Variants in IYD observed in about 807,000 individuals in gnomAD.
The protein encoded by IYD is iodotyrosine deiodinase 1.
A neutral mutation model predicts 28.4 loss-of-function variants in IYD; 25 were observed. The observed-to-expected ratio is 0.88, with a 90% CI of 0.64 to 1.23. The LOEUF is 1.23. Among genes scored for constraint, IYD ranks in the 50% most tolerant of loss-of-function variants. The pLI is 0.00. For synonymous variants in IYD, 140 were observed against 130.8 expected (o/e 1.07, Z -0.48); for missense variants, 352 against 357.9 (o/e 0.98, Z 0.13).
intron 2 of IYD, 29 bp from the exon 3 acceptor site, chr6:150,392,316 A>G (rs748756787): frequency 2.5e-6 from 4 of 1,611,920 alleles, no homozygotes; most frequent in South Asian, 2.2e-5. Context: ...TGCAGTTTTA[A>G]TTTCTGATTT....
At position 150,403,289 on chromosome 6, in the gene IYD, T is replaced by C. The variant is rs916805590; in HGVS notation, c.*5052T>C. The C allele has an allele frequency of 1.3e-5, 2 of 152,244 alleles. No homozygotes were observed. The highest frequency in any genetic ancestry group is 4.8e-5 in the African/African-American group (2 of 41,454). 9.4% of individuals were successfully genotyped at this position (152,244 alleles called of 1,614,324 possible). On this transcript the variant is annotated 3_prime_UTR_variant, in exon 5 of 5. Transcript: ENST00000344419. ...CAGCAGAGTGCCCTCTTATAATTTG[T>C]GTGAAATGGAAACAAAGGTAACATC... is the stretch of plus-strand genomic sequence containing the variant.
chr6:150,383,999 A>T (rs1777764222), intron 1 of IYD, among the ~76,000 whole-genome samples: 3 of 152,150 alleles, frequency 2.0e-5, no homozygotes, highest in Admixed American at 2.0e-4. Context: ...AATGAGGAAG[A>T]TATATAACAA....
chr6:150,370,894 G>T (rs943621525), intron 1 of IYD, among the ~76,000 whole-genome samples: 1 of 152,210 alleles, frequency 6.6e-6, no homozygotes, highest in Non-Finnish European at 1.5e-5. Context: ...TCGAGGACAT[G>T]TTTGATTTCA....
intron 1 of IYD, among the ~76,000 whole-genome samples, chr6:150,378,769 G>A (rs1777545069): frequency 6.6e-6 from 1 of 152,148 alleles, no homozygotes; most frequent in Admixed American, 6.5e-5. Flanking sequence ...AATACCATTT[G>A]ACCCAGCCAT....
At chr6:150,382,339 T>C (rs1378804323) in intron 1 of IYD, among the ~76,000 whole-genome samples, 3 of 152,144 alleles carry the variant, frequency 2.0e-5, no homozygotes, top group African/African-American at 7.2e-5. Context: ...CTCCCTTCCA[T>C]AGGTTTTGAT....
intron 1 of IYD, among the ~76,000 whole-genome samples, chr6:150,385,577 T>TA (rs397752036): frequency 6.6e-6 from 1 of 151,172 alleles, no homozygotes; most frequent in Non-Finnish European, 1.5e-5. Flanking sequence ...TATTTTTTTT[T>TA]ATAAATTGCT....
chr6:150,378,347 A>G (rs965838638), intron 1 of IYD, among the ~76,000 whole-genome samples: 1 of 150,536 alleles, frequency 6.6e-6, no homozygotes, highest in Non-Finnish European at 1.5e-5. Flanking sequence ...ACCCCACAAC[A>G]GTCCCCAGAG....
At position 150,403,810 on chromosome 6, in the gene IYD, A is replaced by G. The variant is rs557932026; in HGVS notation, c.*5573A>G. ...AATGTTCAGGATTGAATTCAACAGC[A>G]TTTAAATGTCTTTAGAGCAGGATGG... On this transcript the variant is annotated 3_prime_UTR_variant, in exon 5 of 5. Transcript: ENST00000344419. 6.6e-6 allele frequency: 1 copy of G among 152,378 alleles called. No individual in the cohort carries two copies. Among genetic ancestry groups the G allele is most frequent in the South Asian group, 2.1e-4 (1 of 4,826 alleles). 9.4% of individuals were successfully genotyped at this position (152,378 alleles called of 1,614,324 possible).
At chr6:150,398,006 G>A (rs895938436) in intron 4 of IYD, 49 bp from the exon 5 acceptor site, 6 of 1,571,664 alleles carry the variant, frequency 3.8e-6, no homozygotes, top group Admixed American at 1.7e-5. Flanking sequence ...AGGGAGAGCA[G>A]TCATTCTGCC....
chr6:150,394,092 T>G lies in IYD; in HGVS notation c.531-7T>G. Reference sequence around the variant, plus strand: ...AATATTATCCTGAATCTCTTTTCTCTTCACAGAACCAACTGGATTAAAGAG... The same window carrying G: ...AATATTATCCTGAATCTCTTTTCTCGTCACAGAACCAACTGGATTAAAGAG... On this transcript the variant is annotated splice_region_variant and splice_polypyrimidine_tract_variant and intron_variant, in intron 3 of 4. Coordinates refer to ENST00000344419, the MANE Select transcript of IYD (RefSeq NM_203395.3). The G allele has an allele frequency of 1.2e-6, 2 of 1,613,892 alleles. No individual in the cohort carries two copies. The highest frequency in any genetic ancestry group is 1.7e-6 in the Non-Finnish European group (2 of 1,179,798).
intron 4 of IYD, chr6:150,395,876 T>C (rs774867046): frequency 3.0e-5 from 17 of 574,634 alleles, no homozygotes; most frequent in Non-Finnish European, 5.0e-5. Flanking sequence ...ATTTGGAGGC[T>C]TGGAAAGAGG....
chr6:150,396,227 G>A lies in IYD; in HGVS notation c.688-1828G>A, dbSNP rs1582802575. 9 of 359,856 alleles carry A rather than the reference G, an allele frequency of 2.5e-5. No individual in the cohort carries two copies. The East Asian group carries it at 4.1e-4, about 17-fold the overall frequency. The allele number at this position is 359,856 out of a possible 1,614,324, so 22.3% of individuals were successfully genotyped here. On this transcript the variant is annotated intron_variant, in intron 4 of 4. Transcript: ENST00000344419. ...GCCTACATTTATAAAGGAAGAAACTGCTAAATTTCAGTTAGATGTTAGTGA... is the reference window on the plus strand; with the variant it reads ...GCCTACATTTATAAAGGAAGAAACTACTAAATTTCAGTTAGATGTTAGTGA...
chr6:150,392,445 G>A lies in IYD; in HGVS notation c.471G>A (p.Glu157=), dbSNP rs201403303. 2 of 1,613,776 alleles carry A rather than the reference G, an allele frequency of 1.2e-6. No homozygotes were observed. Among genetic ancestry groups the A allele is most frequent in the Admixed American group, 1.7e-5 (1 of 60,000 alleles). The change falls in exon 3 of 5, where the codon GAG becomes GAA. Residue 157 remains glutamate (E), a synonymous_variant. Coordinates refer to ENST00000344419, the MANE Select transcript of IYD (RefSeq NM_203395.3). Reference sequence around the variant, plus strand: ...TTCGAAAGATCATTGAGGAGGAAGAGGAGATCAACTACATGAAAAGGATGG... The same window carrying A: ...TTCGAAAGATCATTGAGGAGGAAGAAGAGATCAACTACATGAAAAGGATGG... ...HKIRKIIEEE[E]EINYMKRMGH...
At chr6:150,390,784 C>G (rs886279712) in intron 2 of IYD, among the ~76,000 whole-genome samples, 2 of 152,142 alleles carry the variant, frequency 1.3e-5, no homozygotes, top group Non-Finnish European at 2.9e-5. Context: ...CTACTCTCAC[C>G]AGAATCCCAC....
chr6:150,377,542 G>C (rs1777495215), intron 1 of IYD, among the ~76,000 whole-genome samples: 1 of 152,214 alleles, frequency 6.6e-6, no homozygotes, highest in African/African-American at 2.4e-5. Flanking sequence ...AGGATCATTT[G>C]TTTGACCATT....
At chr6:150,380,445 C>T (rs73779996) in intron 1 of IYD, among the ~76,000 whole-genome samples, 1 of 152,124 alleles carries the variant, frequency 6.6e-6, no homozygotes, top group Non-Finnish European at 1.5e-5. Flanking sequence ...TTAGGACTTG[C>T]GCTGCTTCTT....
In IYD at chr6:150,392,383, T is replaced by C; in HGVS notation, c.409T>C (p.Phe137Leu). 6.2e-7 allele frequency: 1 copy of C among 1,613,772 alleles called. No individual in the cohort carries two copies. The highest frequency in any genetic ancestry group is 8.5e-7 in the Non-Finnish European group (1 of 1,179,850). ...PSGAHTEPWT[F>L]VVVKDPDVKH... ...TGGGGCTCACACAGAGCCCTGGACCTTCGTGGTTGTGAAGGACCCAGACGT... is the reference window on the plus strand; with the variant it reads ...TGGGGCTCACACAGAGCCCTGGACCCTCGTGGTTGTGAAGGACCCAGACGT... Residue 137 changes from phenylalanine (F) to leucine (L), a missense_variant, in exon 3 of 5, where the codon TTC (phenylalanine) becomes CTC (leucine). Phe to Leu is a conservative substitution (Grantham distance 22, BLOSUM62 0). Transcript: ENST00000344419.
intron 2 of IYD, 122 bp downstream of exon 2, chr6:150,389,665 A>G: frequency 1.1e-6 from 1 of 918,004 alleles, no homozygotes; most frequent in Admixed American, 1.8e-5. Flanking sequence ...GTTTATCTAT[A>G]AAGTCTTACC....
At chr6:150,375,656 A>G (rs1291672215) in intron 1 of IYD, among the ~76,000 whole-genome samples, 1 of 152,084 alleles carries the variant, frequency 6.6e-6, no homozygotes, top group Non-Finnish European at 1.5e-5. Context: ...TTCTGTCCAT[A>G]ATTCTTGTTA....
Sources: allele counts gnomAD v4.1 joint callset (sites outside exome capture counted in the v4.1 genomes callset), GRCh38; gene constraint gnomAD v4.1.1; transcripts MANE v1.5; gene names NCBI Gene and HGNC (gene_info 2026-07-23, HGNC 2026-07-21).